FSHR: variants seen among roughly 807,000 people sequenced by gnomAD.
FSHR encodes follicle-stimulating hormone receptor.
Under a neutral mutation model 52.1 loss-of-function variants are expected in FSHR, and 46 were observed. The ratio of observed to expected loss-of-function variants is 0.88; its 90% confidence interval spans 0.70 to 1.13. FSHR has a LOEUF of 1.13. Ranked by LOEUF, FSHR falls within the 50% of genes most tolerant of loss-of-function variation. The pLI is 0.00. For missense variants in FSHR, 964 were observed against 834.6 expected (o/e 1.16, Z -1.91); for synonymous variants, 399 against 309.6 (o/e 1.29, Z -3.03).
At chr2:48,970,038 CTT>C (rs1674668919) in intron 8 of FSHR, among the ~76,000 whole-genome samples, 1 of 152,152 alleles carries the variant, frequency 6.6e-6, no homozygotes, top group Non-Finnish European at 1.5e-5. Flanking sequence ...TAAGAAGAGT[CTT>C]TTAATGTTGG....
At chr2:49,149,098 T>G (rs908301729) in intron 1 of FSHR, among the ~76,000 whole-genome samples, 1 of 151,972 alleles carries the variant, frequency 6.6e-6, no homozygotes, top group African/African-American at 2.4e-5. Flanking sequence ...AGCAGAAATA[T>G]GAAAGGAACT....
intron 3 of FSHR, 83 bp from the exon 4 acceptor site, chr2:49,017,646 A>T (rs1218970440): frequency 1.0e-6 from 1 of 986,230 alleles, no homozygotes; most frequent in East Asian, 2.5e-5. Flanking sequence ...AGTACATAAT[A>T]AATCATTCAT....
intron 2 of FSHR, among the ~76,000 whole-genome samples, chr2:49,045,040 A>T (rs1668605228): frequency 6.6e-6 from 1 of 152,218 alleles, no homozygotes. Context: ...ACTGAGGACC[A>T]TTTTAACAAT....
chr2:49,001,330 G>C (rs573003713), intron 4 of FSHR, among the ~76,000 whole-genome samples: 26 of 152,108 alleles, frequency 1.7e-4, no homozygotes, highest in Non-Finnish European at 3.2e-4. Flanking sequence ...CTGATAGAAA[G>C]TAGAACAGAT....
chr2:48,985,697 GTTTTTTTTTTTTT>G (rs70946839), intron 6 of FSHR, among the ~76,000 whole-genome samples: 1 of 99,540 alleles, frequency 1.0e-5, no homozygotes, highest in Admixed American at 1.2e-4. Flanking sequence ...GCAAGTACAG[GTTTTTTTTTTTTT>G]TTTTTTTTTT....
At chr2:49,124,734 T>C (rs569504571) in intron 1 of FSHR, among the ~76,000 whole-genome samples, 1 of 152,338 alleles carries the variant, frequency 6.6e-6, no homozygotes, top group East Asian at 1.9e-4. Flanking sequence ...TCCTCTCAAA[T>C]GGATTATTTT....
At chr2:49,048,616 CA>C (rs1292926336) in intron 2 of FSHR, among the ~76,000 whole-genome samples, 1 of 152,228 alleles carries the variant, frequency 6.6e-6, no homozygotes, top group East Asian at 1.9e-4. Flanking sequence ...TTGGCATAAA[CA>C]ATTGCTATCT....
intron 4 of FSHR, among the ~76,000 whole-genome samples, chr2:48,996,301 C>T (rs1676020391): frequency 6.6e-6 from 1 of 152,040 alleles, no homozygotes. Context: ...CTGAGCTTAA[C>T]TATATACAGT....
chr2:49,078,293 C>T (rs1011676835), intron 1 of FSHR, among the ~76,000 whole-genome samples: 9 of 152,058 alleles, frequency 5.9e-5, no homozygotes, highest in Admixed American at 1.3e-4. Context: ...TAAAACCATC[C>T]GATCTCGTGA....
At chr2:49,005,170 C>T (rs554207916) in intron 4 of FSHR, among the ~76,000 whole-genome samples, 2 of 152,152 alleles carry the variant, frequency 1.3e-5, no homozygotes, top group East Asian at 1.9e-4. Flanking sequence ...TTCAGGAGAA[C>T]GCATACTGAA....
chr2:48,992,783 G>T (rs1030903955), intron 4 of FSHR, among the ~76,000 whole-genome samples: 2 of 151,972 alleles, frequency 1.3e-5, no homozygotes, highest in African/African-American at 4.8e-5. Context: ...TTCTTTCACA[G>T]CAAAGCTTCT....
chr2:49,051,652 G>GA (rs1668861313), intron 2 of FSHR, among the ~76,000 whole-genome samples: 2 of 151,884 alleles, frequency 1.3e-5, no homozygotes, highest in Non-Finnish European at 2.9e-5. Context: ...TCATTTTCTT[G>GA]ATGGTGTCTT....
chr2:48,990,530 G>T (rs763934518), intron 5 of FSHR, 36 bp downstream of exon 5: 4 of 1,336,920 alleles, frequency 3.0e-6, no homozygotes, highest in Admixed American at 3.4e-5. Context: ...CAGATACTGA[G>T]TAAAGAGTTG....
At chr2:49,148,069 CA>C (rs1672933125) in intron 1 of FSHR, among the ~76,000 whole-genome samples, 1 of 151,860 alleles carries the variant, frequency 6.6e-6, no homozygotes. Flanking sequence ...CCTTAATTGG[CA>C]AAAATTATAT....
intron 2 of FSHR, among the ~76,000 whole-genome samples, chr2:49,021,820 G>A (rs1489489096): frequency 7.7e-6 from 1 of 129,246 alleles, no homozygotes; most frequent in Non-Finnish European, 1.6e-5. Context: ...AAATAAGGGT[G>A]GGGTATGTGT....
At chr2:49,142,665 G>A (rs1672731612) in intron 1 of FSHR, among the ~76,000 whole-genome samples, 1 of 152,178 alleles carries the variant, frequency 6.6e-6, no homozygotes, top group Non-Finnish European at 1.5e-5. Context: ...TCTAGCTGCT[G>A]CATAGGGGAT....
intron 9 of FSHR, among the ~76,000 whole-genome samples, chr2:48,967,834 TATC>T (rs1274758591): frequency 1.3e-5 from 2 of 152,314 alleles, no homozygotes; most frequent in South Asian, 2.1e-4. Context: ...AGAGAAATAA[TATC>T]ATAGGAAAGC....
At chr2:49,094,143 A>T (rs74340894) in intron 1 of FSHR, among the ~76,000 whole-genome samples, 5,858 of 152,238 alleles carry the variant, frequency 0.038, 164 homozygotes, top group Middle Eastern at 0.058. Flanking sequence ...CATATCTTCA[A>T]ATAAATTTTT....
chr2:49,094,194 G>A (rs1245228305), intron 1 of FSHR, among the ~76,000 whole-genome samples: 1 of 151,990 alleles, frequency 6.6e-6, no homozygotes, highest in East Asian at 1.9e-4. Flanking sequence ...AATCCACTTA[G>A]AATTAATATT....
Sources: allele counts gnomAD v4.1 joint callset (sites outside exome capture counted in the v4.1 genomes callset), GRCh38; gene constraint gnomAD v4.1.1; transcripts MANE v1.5; gene names NCBI Gene and HGNC (gene_info 2026-07-23, HGNC 2026-07-21).